The following PIK3R5 variants were observed in gnomAD, a reference collection of about 807,000 sequenced individuals.
PIK3R5 encodes the protein phosphoinositide-3-kinase regulatory subunit 5.
In PIK3R5, 32 loss-of-function variants were observed where a neutral mutation model predicts 94.9. The ratio of observed to expected loss-of-function variants is 0.34; its 90% CI spans 0.25 to 0.45. PIK3R5 has a LOEUF of 0.45. Ranked by LOEUF, PIK3R5 falls within the 20% of genes least tolerant of loss-of-function variation. The pLI, the probability that PIK3R5 is intolerant of heterozygous loss-of-function variation, is 1.00. For missense variants in PIK3R5, 853 were observed against 1,144.6 expected, an observed-to-expected ratio of 0.75 and a Z score of 3.68; for synonymous variants, 443 against 479.4, an observed-to-expected ratio of 0.92 and a Z score of 0.99.
rs374862628 is a variant in PIK3R5, at chr17:8,888,896, A to C, written c.896-5T>G. Reference sequence around the variant, plus strand: ...GCAGGATTTCCTGCAGGATGTCTGCAGGGAAGCAAGGCCAGCACTGTCTGG... The same window carrying C: ...GCAGGATTTCCTGCAGGATGTCTGCCGGGAAGCAAGGCCAGCACTGTCTGG... On this transcript the variant is annotated splice_region_variant and splice_polypyrimidine_tract_variant and intron_variant, in intron 9 of 18. Coordinates refer to ENST00000447110, the MANE Select transcript of PIK3R5 (RefSeq NM_001142633.3). This position sits in a 1 kb window ranked among gnomAD's most constrained non-coding sequence, Gnocchi z 7.8. 6.3e-7 allele frequency: 1 copy of C among 1,592,250 alleles called. No individual in the cohort carries two copies. Among genetic ancestry groups the C allele is most frequent in the African/African-American group, 1.3e-5 (1 of 74,820 alleles).
chr17:8,919,722 G>C (rs946831412), intron 1 of PIK3R5, among the ~76,000 whole-genome samples: 3 of 152,140 alleles, frequency 2.0e-5, no homozygotes, highest in Non-Finnish European at 4.4e-5. Flanking sequence ...GGATCTGCAA[G>C]AGCTCAAGGT....
rs1441200454 is a variant in PIK3R5 at position 8,935,684 on chromosome 17, G to A, written c.-13-24177C>T. On this transcript the variant is annotated intron_variant, in intron 1 of 18. Transcript: ENST00000447110. The surrounding 1 kb of genome is among the most constrained non-coding windows in gnomAD (Gnocchi z 4.5). ...AAGGCAACCATCCTGAGGAAGGTTTGTGGCAGGAAAGTGAACAGCTCTGAG... is the reference window on the plus strand; with the variant it reads ...AAGGCAACCATCCTGAGGAAGGTTTATGGCAGGAAAGTGAACAGCTCTGAG... 6.6e-6 allele frequency among the ~76,000 whole-genome samples: 1 copy of A among 152,168 alleles called. No homozygotes were observed. The highest frequency in any genetic ancestry group is 2.4e-5 in the African/African-American group (1 of 41,426).
chr17:8,922,946 C>G (rs2090785273), intron 1 of PIK3R5, among the ~76,000 whole-genome samples: 1 of 152,110 alleles, frequency 6.6e-6, no homozygotes, highest in Non-Finnish European at 1.5e-5. Flanking sequence ...CACTTCCCCC[C>G]ATCTTTGCTC....
Position 8,961,498 on chromosome 17 carries a change from G to A in PIK3R5, c.-14+4098C>T, listed in dbSNP as rs143974668. 2.8e-3 allele frequency among the ~76,000 whole-genome samples: 424 copies of A among 152,270 alleles called. 5 individuals carry two copies. The highest frequency in any genetic ancestry group is 9.3e-3 in the African/African-American group (387 of 41,560). ...AAAAATACAAAAATTAGCCAGGCGT[G>A]GAAGCGGGCGCCTGTAACTCCAGCT... On this transcript the variant is annotated intron_variant, in intron 1 of 18. Coordinates refer to ENST00000447110, the MANE Select transcript of PIK3R5 (RefSeq NM_001142633.3).
chr17:8,933,236 G>A (rs1009858229), intron 1 of PIK3R5, among the ~76,000 whole-genome samples: 1 of 152,136 alleles, frequency 6.6e-6, no homozygotes, highest in Non-Finnish European at 1.5e-5. Flanking sequence ...TGACATGGAT[G>A]TACACATTTG....
rs961442843 is a variant in PIK3R5, at chr17:8,886,484, T to A, written c.2027A>T (p.Gln676Leu). The A allele has an allele frequency of 6.2e-7, 1 of 1,605,088 alleles. No homozygotes were observed. Among genetic ancestry groups the A allele is most frequent in the South Asian group, 1.1e-5 (1 of 89,660 alleles). ...GGGGCAGGGAGGCCTTACCTCGGTC[T>A]GATAGACTTGCAGCAGCACCGGTCT... ...AARPVLLQVYQTELTFITGEK... is the reference protein window; with the variant it reads ...AARPVLLQVYLTELTFITGEK... The change falls in exon 13 of 19, where the codon CAG becomes CTG. Residue 676 changes from glutamine to leucine, a missense_variant. Physicochemically the swap from Gln to Leu is moderately radical, Grantham distance 113. Coordinates refer to ENST00000447110, the MANE Select transcript of PIK3R5 (RefSeq NM_001142633.3).
chr17:8,906,368 A>G (rs917906074), intron 3 of PIK3R5, among the ~76,000 whole-genome samples: 2 of 152,200 alleles, frequency 1.3e-5, no homozygotes, highest in African/African-American at 4.8e-5. Context: ...TACGGTCTCT[A>G]AGACCACCTT....
chr17:8,959,440 T>C (rs74671355), intron 1 of PIK3R5, among the ~76,000 whole-genome samples: 35 of 145,472 alleles, frequency 2.4e-4, no homozygotes, highest in African/African-American at 7.2e-4. Flanking sequence ...TGTGTGTGTG[T>C]GCACATGCAT....
Position 8,881,114 on chromosome 17 carries a change from G to C in PIK3R5, c.2383-97C>G. On this transcript the variant is annotated intron_variant, in intron 17 of 18. Coordinates refer to ENST00000447110, the MANE Select transcript of PIK3R5 (RefSeq NM_001142633.3). This position sits in a 1 kb window ranked among gnomAD's most constrained non-coding sequence, Gnocchi z 4.8. ...CTCAGAACTGCCCATCCACTTCTAG[G>C]GGTGTGGGAGGGCAGGGGTTTGTCT... is the stretch of plus-strand genomic sequence containing the variant. The C allele has an allele frequency of 1.1e-6, 1 of 887,718 alleles. No homozygotes were observed. The highest frequency in any genetic ancestry group is 1.6e-5 in the African/African-American group (1 of 61,232). The allele number at this position is 887,718 out of a possible 1,614,324, so 55.0% of individuals were successfully genotyped here.
At position 8,911,961 on chromosome 17, in the gene PIK3R5, A is replaced by G. The variant is rs2090536067; in HGVS notation, c.-13-454T>C. ...GGCAGAGAGCGTGTTCCTGATGACA[A>G]GGCCACAGCAACTCCCTCAATATGC... On this transcript the variant is annotated intron_variant, in intron 1 of 18. Coordinates refer to ENST00000447110, the MANE Select transcript of PIK3R5 (RefSeq NM_001142633.3). The surrounding 1 kb of genome is among the most constrained non-coding windows in gnomAD (Gnocchi z 5.3). 2 of 153,018 alleles carry G rather than the reference A, an allele frequency of 1.3e-5. No individual in the cohort carries two copies. The highest frequency in any genetic ancestry group is 2.9e-5 in the Non-Finnish European group (2 of 68,594). The allele number at this position is 153,018 out of a possible 1,614,324, so 9.5% of individuals were successfully genotyped here. A position where few individuals can be genotyped will look rare whatever the true frequency, so the allele number is the denominator to read the frequency against.
chr17:8,961,207 C>G (rs1159824364), intron 1 of PIK3R5, among the ~76,000 whole-genome samples: 1 of 152,114 alleles, frequency 6.6e-6, no homozygotes, highest in Non-Finnish European at 1.5e-5. Context: ...TGGGGAGAAG[C>G]AACAGCACAC....
rs1244928739 is a variant in PIK3R5 at position 8,945,009 on chromosome 17, G to A, written c.-14+20587C>T. Among the ~76,000 whole-genome samples, 1 of 152,218 alleles carries A rather than the reference G, an allele frequency of 6.6e-6. No homozygotes were observed. Among genetic ancestry groups the A allele is most frequent in the African/African-American group, 2.4e-5 (1 of 41,452 alleles). Reference sequence around the variant, plus strand: ...CACTTGAGAAAGTCAGGGTGTGGAAGAGGTTCTTCCTCTCCAGGAAGATGC... The same window carrying A: ...CACTTGAGAAAGTCAGGGTGTGGAAAAGGTTCTTCCTCTCCAGGAAGATGC... On this transcript the variant is annotated intron_variant, in intron 1 of 18. Coordinates refer to ENST00000447110, the MANE Select transcript of PIK3R5 (RefSeq NM_001142633.3). The surrounding 1 kb of genome is among the most constrained non-coding windows in gnomAD (Gnocchi z 4.0).
chr17:8,880,819 C>T, intron 18 of PIK3R5, 33 bp from the exon 19 acceptor site: 12 of 1,612,744 alleles, frequency 7.4e-6, no homozygotes, highest in Non-Finnish European at 8.5e-6. Context: ...GGGATCAGAG[C>T]AGGCCCCCAT....
At chr17:8,901,285 G>A (rs538420410) in intron 5 of PIK3R5, among the ~76,000 whole-genome samples, 3 of 152,284 alleles carry the variant, frequency 2.0e-5, no homozygotes, top group East Asian at 1.9e-4. Context: ...TCTTCCTGAT[G>A]TCCTAAATCT....
chr17:8,905,848 AG>A, intron 3 of PIK3R5, 111 bp from the exon 4 acceptor site: 1 of 441,956 alleles, frequency 2.3e-6, no homozygotes, highest in Non-Finnish European at 3.9e-6. Context: ...TTTTTTTTTT[AG>A]GGGAAAATAG....
chr17:8,965,001 CCA>C (rs10680170), intron 1 of PIK3R5, among the ~76,000 whole-genome samples: 5,161 of 150,752 alleles, frequency 0.034, 259 homozygotes, highest in African/African-American at 0.11. Flanking sequence ...ATGCGCATGC[CCA>C]CACACACACA....
chr17:8,916,614 A>G (rs1320156295), intron 1 of PIK3R5: 1 of 151,736 alleles, frequency 6.6e-6, no homozygotes, highest in Admixed American at 6.6e-5. Context: ...CTTGCTGGGG[A>G]CCCTGCATGG....
chr17:8,911,300 A>G lies in PIK3R5; in HGVS notation c.103+92T>C. 1 of 961,936 alleles carries G rather than the reference A, an allele frequency of 1.0e-6. No homozygotes were observed. Among genetic ancestry groups the G allele is most frequent in the Non-Finnish European group, 1.6e-6 (1 of 617,626 alleles). The allele number at this position is 961,936 out of a possible 1,614,324, so 59.6% of individuals were successfully genotyped here. ...TCACACAGACAGGGTTTCACCTAGAATTTGCCAGTTTCCATGCCTGGTCCA... is the reference window on the plus strand; with the variant it reads ...TCACACAGACAGGGTTTCACCTAGAGTTTGCCAGTTTCCATGCCTGGTCCA... On this transcript the variant is annotated intron_variant, in intron 2 of 18. Transcript: ENST00000447110. The surrounding 1 kb of genome is among the most constrained non-coding windows in gnomAD (Gnocchi z 5.3).
intron 1 of PIK3R5, among the ~76,000 whole-genome samples, chr17:8,933,006 A>G (rs1168100526): frequency 1.3e-5 from 2 of 152,298 alleles, no homozygotes; most frequent in Middle Eastern, 3.4e-3. Flanking sequence ...AGAAAAAGAC[A>G]CATTGTATGT....
Sources: gnomAD v4.1 joint callset for allele counts (sites outside exome capture counted in the v4.1 genomes callset) on GRCh38, gnomAD v4.1.1 for gene constraint, Gnocchi (gnomAD v3.1) non-coding constraint, MANE v1.5 for transcripts, NCBI Gene and HGNC (gene_info 2026-07-23, HGNC 2026-07-21) for gene names.